The following PTPRM variants were observed in gnomAD, a reference collection of about 807,000 sequenced individuals.
The protein encoded by PTPRM is receptor-type tyrosine-protein phosphatase mu.
A neutral mutation model predicts 186.7 loss-of-function variants in PTPRM; 47 were observed. That is an observed-to-expected ratio of 0.25 (90% CI 0.20 to 0.32). PTPRM has a LOEUF of 0.32. Ranked by LOEUF, PTPRM falls within the 10% of genes least tolerant of loss-of-function variation. PTPRM has a pLI of 1.00. For missense variants in PTPRM, 1,494 were observed against 1,865.0 expected (o/e 0.80, Z 3.66); for synonymous variants, 668 against 674.9 (o/e 0.99, Z 0.16).
At chr18:7,677,736 C>T (rs548848562) in intron 1 of PTPRM, among the ~76,000 whole-genome samples, 31 of 152,098 alleles carry the variant, frequency 2.0e-4, no homozygotes, top group Non-Finnish European at 3.5e-4. Context: ...TTTCTCCTGC[C>T]TGAAATGCTC....
chr18:7,932,742 A>C (rs1263213721), intron 5 of PTPRM, among the ~76,000 whole-genome samples: 1 of 152,110 alleles, frequency 6.6e-6, no homozygotes, highest in African/African-American at 2.4e-5. Context: ...ACTGTTTTGC[A>C]AGCAGAGTTT....
At chr18:8,295,525 A>G (rs1287264582) in intron 19 of PTPRM, among the ~76,000 whole-genome samples, 2 of 151,938 alleles carry the variant, frequency 1.3e-5, no homozygotes, top group Admixed American at 6.6e-5. Context: ...CTCACCCTTC[A>G]TCTCTTCCTC....
rs141686996 is a variant in PTPRM at position 8,024,827 on chromosome 18, A to G, written c.1133-44859A>G. Among the ~76,000 whole-genome samples the G allele has an allele frequency of 5.0e-4, 76 of 151,798 alleles. 2 individuals carry two copies. The highest frequency in any genetic ancestry group is 1.7e-3 in the African/African-American group (71 of 41,390). On this transcript the variant is annotated intron_variant, in intron 7 of 32. Transcript: ENST00000580170. ...GCCCCCCAAGTAGCTGGTACTACAGATGCATGCCACCACTTCTGGCTAATT... is the reference window on the plus strand; with the variant it reads ...GCCCCCCAAGTAGCTGGTACTACAGGTGCATGCCACCACTTCTGGCTAATT...
intron 2 of PTPRM, among the ~76,000 whole-genome samples, chr18:7,863,453 G>A (rs1191765004): frequency 1.3e-5 from 2 of 152,000 alleles, no homozygotes; most frequent in East Asian, 1.9e-4. Flanking sequence ...TGCAGTGTTT[G>A]GTTTTCTGTT....
intron 24 of PTPRM, among the ~76,000 whole-genome samples, chr18:8,373,080 T>G (rs2095673439): frequency 6.6e-6 from 1 of 152,230 alleles, no homozygotes; most frequent in Non-Finnish European, 1.5e-5. Flanking sequence ...AGGAGCTTGT[T>G]AATGCATTTG....
intron 9 of PTPRM, among the ~76,000 whole-genome samples, chr18:8,084,097 TC>T (rs1469284464): frequency 1.3e-5 from 2 of 152,128 alleles, no homozygotes; most frequent in African/African-American, 4.8e-5. Context: ...CTTCTCCCCT[TC>T]CCCTACCAGA....
At chr18:7,662,073 G>C (rs866113538) in intron 1 of PTPRM, among the ~76,000 whole-genome samples, 1 of 151,864 alleles carries the variant, frequency 6.6e-6, no homozygotes, top group Non-Finnish European at 1.5e-5. Context: ...GGGTGCCACC[G>C]GTGGGTGCCA....
rs764027110 is a variant in PTPRM, at chr18:7,848,610, T to TA, written c.197-39483dup. Among the ~76,000 whole-genome samples the TA allele has an allele frequency of 3.0e-3, 428 of 144,318 alleles. 1 individual carries two copies. The highest frequency in any genetic ancestry group is 4.1e-3 in the Non-Finnish European group (269 of 65,528). The allele number at this position is 144,318 out of a possible 152,430, so 94.7% of individuals were successfully genotyped here. ...AACACGGTGAAACCCTGTCTCTACT[T>TA]AAAAAAAAAAAAATTAGCCAGGAAT... On this transcript the variant is annotated intron_variant, in intron 2 of 32. Transcript: ENST00000580170.
chr18:7,751,625 C>T (rs1364573852), intron 1 of PTPRM: 1 of 152,128 alleles, frequency 6.6e-6, no homozygotes, highest in African/African-American at 2.4e-5. Flanking sequence ...AACATATTCC[C>T]TCCAAACCCC....
chr18:8,173,341 T>G (rs2093432546), intron 14 of PTPRM, among the ~76,000 whole-genome samples: 1 of 152,262 alleles, frequency 6.6e-6, no homozygotes, highest in Non-Finnish European at 1.5e-5. Flanking sequence ...TATGAATGAT[T>G]ATTATTTTCA....
chr18:7,981,166 C>A (rs1230333491), intron 7 of PTPRM, among the ~76,000 whole-genome samples: 1 of 152,164 alleles, frequency 6.6e-6, no homozygotes, highest in Non-Finnish European at 1.5e-5. Context: ...TCTCTGCCCC[C>A]CGCCCACCAA....
At chr18:7,646,841 T>C (rs2038576433) in intron 1 of PTPRM, among the ~76,000 whole-genome samples, 1 of 152,012 alleles carries the variant, frequency 6.6e-6, no homozygotes, top group African/African-American at 2.4e-5. Context: ...CCTTCTTGAG[T>C]GAGTGGCTTG....
At chr18:8,140,789 G>A (rs551981976) in intron 13 of PTPRM, among the ~76,000 whole-genome samples, 110 of 152,206 alleles carry the variant, frequency 7.2e-4, no homozygotes, top group African/African-American at 2.0e-3. Flanking sequence ...CACAAGAAGA[G>A]AAAATGCCTT....
intron 14 of PTPRM, among the ~76,000 whole-genome samples, chr18:8,147,642 C>G: frequency 6.6e-6 from 1 of 152,138 alleles, no homozygotes; most frequent in African/African-American, 2.4e-5. Flanking sequence ...TTATTTCTTT[C>G]TCTTGCCTGA....
intron 14 of PTPRM, among the ~76,000 whole-genome samples, chr18:8,158,388 G>A (rs547332136): frequency 1.5e-4 from 23 of 152,204 alleles, no homozygotes; most frequent in Non-Finnish European, 8.8e-5. Context: ...TCATAAGAGC[G>A]TTAAAAACTG....
chr18:7,876,132 G>C (rs1009842216), intron 2 of PTPRM, among the ~76,000 whole-genome samples: 1 of 152,094 alleles, frequency 6.6e-6, no homozygotes, highest in Non-Finnish European at 1.5e-5. Flanking sequence ...GTGTGTGTGT[G>C]TGTGTGCATG....
At chr18:8,405,085 C>A (rs927219661) in intron 32 of PTPRM, 1 of 151,706 alleles carries the variant, frequency 6.6e-6, no homozygotes. Flanking sequence ...ATTGCCTGAG[C>A]CCAAGAGTTC....
intron 7 of PTPRM, among the ~76,000 whole-genome samples, chr18:8,029,339 C>T (rs2085795414): frequency 6.9e-6 from 1 of 144,202 alleles, no homozygotes; most frequent in African/African-American, 2.6e-5. Flanking sequence ...GCCTGGAGCA[C>T]CCCTCCCCCA....
chr18:8,063,986 A>G (rs1461262556), intron 7 of PTPRM, among the ~76,000 whole-genome samples: 6 of 152,096 alleles, frequency 3.9e-5, no homozygotes, highest in Non-Finnish European at 2.9e-5. Flanking sequence ...CTATGTTTAG[A>G]GTGTTATTTT....
Sources: gnomAD v4.1 joint callset for allele counts (sites outside exome capture counted in the v4.1 genomes callset) on GRCh38, gnomAD v4.1.1 for gene constraint, MANE v1.5 for transcripts, NCBI Gene and HGNC (gene_info 2026-07-23, HGNC 2026-07-21) for gene names.